KCNQ3: variants seen among roughly 807,000 people sequenced by gnomAD.
KCNQ3 encodes the protein potassium voltage-gated channel subfamily Q member 3.
KCNQ3 carries 30 observed loss-of-function variants against 92.5 expected under a neutral mutation model. That is an observed-to-expected ratio of 0.32 (90% CI 0.24 to 0.44). The LOEUF (loss-of-function observed/expected upper bound fraction) is 0.44, where lower values mean the gene tolerates loss of function less well. Among genes scored for constraint, KCNQ3 ranks in the 20% least tolerant of loss-of-function variants. KCNQ3 has a pLI of 1.00. For missense variants in KCNQ3, 913 were observed against 1,140.3 expected, an observed-to-expected ratio of 0.80 and a Z score of 2.87; for synonymous variants, 450 against 468.8, an observed-to-expected ratio of 0.96 and a Z score of 0.52.
chr8:132,158,604 T>C (rs570532217), intron 9 of KCNQ3, among the ~76,000 whole-genome samples: 2 of 152,312 alleles, frequency 1.3e-5, no homozygotes, highest in East Asian at 1.9e-4. Context: ...GTAGGAACCA[T>C]GAACTACAGA....
chr8:132,424,126 T>TC (rs1821045752), intron 1 of KCNQ3, among the ~76,000 whole-genome samples: 1 of 136,792 alleles, frequency 7.3e-6, no homozygotes, highest in African/African-American at 2.8e-5. Context: ...CCCACACCCC[T>TC]CCCCCCGCCA....
At chr8:132,244,024 T>A (rs1300684366) in intron 1 of KCNQ3, among the ~76,000 whole-genome samples, 1 of 152,152 alleles carries the variant, frequency 6.6e-6, no homozygotes, top group Non-Finnish European at 1.5e-5. Flanking sequence ...AGAAGGTGGG[T>A]GTCCTAGATG....
chr8:132,196,461 C>G (rs1237364081), intron 1 of KCNQ3, among the ~76,000 whole-genome samples: 1 of 152,184 alleles, frequency 6.6e-6, no homozygotes, highest in Non-Finnish European at 1.5e-5. Context: ...CAATGATGAA[C>G]AGAGCACATC....
intron 1 of KCNQ3, among the ~76,000 whole-genome samples, chr8:132,240,321 G>A (rs1814951633): frequency 6.6e-6 from 1 of 151,942 alleles, no homozygotes; most frequent in Non-Finnish European, 1.5e-5. Flanking sequence ...CGAGTAGCTG[G>A]GATTACAGGC....
intron 1 of KCNQ3, among the ~76,000 whole-genome samples, chr8:132,467,611 G>C (rs978734204): frequency 1.3e-5 from 2 of 152,138 alleles, no homozygotes; most frequent in Admixed American, 1.3e-4. Flanking sequence ...CCCTCAGCCC[G>C]ACCTGCGTTT....
At chr8:132,396,232 T>A (rs1013723722) in intron 1 of KCNQ3, among the ~76,000 whole-genome samples, 10 of 152,242 alleles carry the variant, frequency 6.6e-5, no homozygotes, top group Admixed American at 5.9e-4. Context: ...ACAGAGCAGA[T>A]AACAAACACT....
At chr8:132,159,481 C>A (rs1048139883) in intron 9 of KCNQ3, among the ~76,000 whole-genome samples, 2 of 152,062 alleles carry the variant, frequency 1.3e-5, no homozygotes, top group African/African-American at 4.8e-5. Flanking sequence ...TAGAGATTGT[C>A]CAGGGTGTGA....
intron 1 of KCNQ3, among the ~76,000 whole-genome samples, chr8:132,236,371 T>C (rs2130389435): frequency 6.6e-6 from 1 of 152,220 alleles, no homozygotes; most frequent in Admixed American, 6.5e-5. Context: ...AAACAACAAA[T>C]CTTTGAAGCT....
chr8:132,292,564 C>G (rs1401316438), intron 1 of KCNQ3, among the ~76,000 whole-genome samples: 1 of 152,006 alleles, frequency 6.6e-6, no homozygotes, highest in African/African-American at 2.4e-5. Context: ...GATGGAGAGA[C>G]AGCAGGATGG....
intron 1 of KCNQ3, among the ~76,000 whole-genome samples, chr8:132,384,668 T>G (rs991380190): frequency 6.6e-6 from 1 of 150,474 alleles, no homozygotes; most frequent in African/African-American, 2.5e-5. Context: ...GTTCAAGGAG[T>G]TTTTTAATAT....
At chr8:132,167,162 AAC>A (rs141733061) in intron 8 of KCNQ3, among the ~76,000 whole-genome samples, 1,990 of 152,350 alleles carry the variant, frequency 0.013, 41 homozygotes, top group African/African-American at 0.044. Context: ...AAGTGAAAGA[AAC>A]CATGCATAAA....
In KCNQ3 at chr8:132,188,071, T is replaced by C. The variant is rs537970155; in HGVS notation, c.387-1890A>G. On this transcript the variant is annotated intron_variant, in intron 1 of 14. Coordinates refer to ENST00000388996, the MANE Select transcript of KCNQ3 (RefSeq NM_004519.4). ...AGAATCACTACCATCAGGATAACTA[T>C]GTTGTCAGTAAAATGACCAGAAAGC... is the stretch of plus-strand genomic sequence containing the variant. 1.3e-3 allele frequency among the ~76,000 whole-genome samples: 195 copies of C among 152,304 alleles called. 1 individual carries two copies. Among genetic ancestry groups the C allele is most frequent in the Non-Finnish European group, 1.0e-3 (70 of 68,032 alleles).
intron 1 of KCNQ3, among the ~76,000 whole-genome samples, chr8:132,264,951 A>G (rs1251313291): frequency 6.6e-6 from 1 of 152,214 alleles, no homozygotes; most frequent in East Asian, 1.9e-4. Context: ...AAAAGCAGGC[A>G]TAGTAGAAAA....
chr8:132,343,009 T>C (rs1448691946), intron 1 of KCNQ3, among the ~76,000 whole-genome samples: 2 of 152,222 alleles, frequency 1.3e-5, no homozygotes, highest in Admixed American at 1.3e-4. Context: ...TATTGGGCAT[T>C]GTGAGCTTTC....
At chr8:132,431,266 T>C (rs1289430656) in intron 1 of KCNQ3, among the ~76,000 whole-genome samples, 1 of 152,208 alleles carries the variant, frequency 6.6e-6, no homozygotes, top group Non-Finnish European at 1.5e-5. Flanking sequence ...GGAGAGGATC[T>C]CCCTTCCCTC....
rs1368967172 is a variant in KCNQ3, at chr8:132,459,514, TAATAAG to T, written c.386+20627_386+20632del. On this transcript the variant is annotated intron_variant, in intron 1 of 14. Coordinates refer to ENST00000388996, the MANE Select transcript of KCNQ3 (RefSeq NM_004519.4). ...TTTAACAACCAGCTCTCACGGGAAC[TAATAAG>T]AATGAGAACTCACTTATGCCCCAGC... Among the ~76,000 whole-genome samples, 5 of 152,220 alleles carry T rather than the reference TAATAAG, an allele frequency of 3.3e-5. No homozygotes were observed. In the East Asian group the frequency reaches 9.7e-4, roughly 30 times the overall value.
intron 5 of KCNQ3, among the ~76,000 whole-genome samples, chr8:132,174,871 A>C (rs1826497276): frequency 6.6e-6 from 1 of 152,212 alleles, no homozygotes; most frequent in Non-Finnish European, 1.5e-5. Flanking sequence ...CCGGAGCCTA[A>C]CTATCTGACT....
Position 132,340,721 on chromosome 8 carries a change from C to T in KCNQ3, c.386+139426G>A, listed in dbSNP as rs541170749. 1.2e-3 allele frequency among the ~76,000 whole-genome samples: 177 copies of T among 152,178 alleles called. 1 individual carries two copies. The highest frequency in any genetic ancestry group is 4.0e-3 in the African/African-American group (164 of 41,514). ...TGATAGGTACAGAAAACCACCATGA[C>T]GCATGTATACCTATGTAACAAACCT... On this transcript the variant is annotated intron_variant, in intron 1 of 14. Transcript: ENST00000388996.
In KCNQ3 at chr8:132,172,397, TACACAC is replaced by T. The variant is rs35831322; in HGVS notation, c.1140+195_1140+200del. Among the ~76,000 whole-genome samples the T allele has an allele frequency of 0.013, 1,802 of 140,452 alleles. 29 individuals are homozygous for T. Among genetic ancestry groups the T allele is most frequent in the African/African-American group, 0.04 (1,522 of 38,130 alleles). 92.1% of individuals were successfully genotyped at this position (140,452 alleles called of 152,430 possible). On this transcript the variant is annotated intron_variant, in intron 7 of 14. Transcript: ENST00000388996. ...GCCTGCTCCTGCCTGGGCACATTAA[TACACAC>T]ACACACACACACACACACACACACA...
Sources: gnomAD v4.1 joint callset for allele counts (sites outside exome capture counted in the v4.1 genomes callset) on GRCh38, gnomAD v4.1.1 for gene constraint, MANE v1.5 for transcripts, NCBI Gene and HGNC (gene_info 2026-07-23, HGNC 2026-07-21) for gene names.